Variants in ZSCAN5A observed in about 807,000 individuals in gnomAD.
ZSCAN5A encodes the protein zinc finger and SCAN domain-containing protein 5A.
ZSCAN5A carries 12 observed loss-of-function variants against 23.7 expected under a neutral mutation model. The ratio of observed to expected loss-of-function variants is 0.51; its 90% CI spans 0.32 to 0.82. ZSCAN5A has a LOEUF of 0.82. Ranked by LOEUF, ZSCAN5A falls within the 40% of genes least tolerant of loss-of-function variation. ZSCAN5A has a pLI of 0.03. For missense variants in ZSCAN5A, 597 were observed against 617.9 expected (o/e 0.97, Z 0.36); for synonymous variants, 257 against 239.9 (o/e 1.07, Z -0.66).
chr19:56,276,183 T>C (rs1388883254), intron 2 of ZSCAN5A, among the ~76,000 whole-genome samples: 1 of 152,228 alleles, frequency 6.6e-6, no homozygotes, highest in East Asian at 1.9e-4. Context: ...TCTTGCAACC[T>C]CTCTGGCAAT....
At chr19:56,288,199 T>G (rs1035720062) in intron 2 of ZSCAN5A, among the ~76,000 whole-genome samples, 43 of 152,040 alleles carry the variant, frequency 2.8e-4, no homozygotes, top group African/African-American at 9.9e-4. Context: ...CTCCAGATAC[T>G]CTCCAGCCAC....
At chr19:56,325,745 T>C (rs897099814) in intron 2 of ZSCAN5A, among the ~76,000 whole-genome samples, 11 of 145,790 alleles carry the variant, frequency 7.5e-5, no homozygotes, top group African/African-American at 1.6e-4. Context: ...GTTGTTGTTG[T>C]TGTTGCTGTT....
intron 2 of ZSCAN5A, among the ~76,000 whole-genome samples, chr19:56,355,719 T>C: frequency 6.7e-6 from 1 of 148,986 alleles, no homozygotes; most frequent in East Asian, 1.9e-4. Context: ...TGTGTGTGTT[T>C]AAACTGGCAG....
rs746369519 is a variant in ZSCAN5A, at chr19:56,222,342, CCA to C, written c.740-18_740-17del. 17 of 1,608,200 alleles carry C rather than the reference CCA, an allele frequency of 1.1e-5. No homozygotes were observed. In the East Asian group the frequency reaches 3.3e-4, roughly 32 times the overall value. ...ACCAGATCTGCTGGAAGAAGGGATTCCACACACACAGTTAATAAAGCGCATTT... is the reference window on the plus strand; with the variant it reads ...ACCAGATCTGCTGGAAGAAGGGATTCCACACACAGTTAATAAAGCGCATTT... On this transcript the variant is annotated splice_polypyrimidine_tract_variant and intron_variant, in intron 5 of 5. Transcript: ENST00000683990.
intron 2 of ZSCAN5A, among the ~76,000 whole-genome samples, chr19:56,241,747 T>C (rs1341343525): frequency 6.6e-6 from 1 of 152,326 alleles, no homozygotes; most frequent in Admixed American, 6.5e-5. Flanking sequence ...ATCCCAGCCC[T>C]GGTAACCACC....
chr19:56,245,194 A>C (rs2035774562), intron 2 of ZSCAN5A: 1 of 540,014 alleles, frequency 1.9e-6, no homozygotes, highest in Non-Finnish European at 3.4e-6. Flanking sequence ...TCTCATAGTG[A>C]GTCTGATTGT....
At chr19:56,301,922 G>C in intron 2 of ZSCAN5A, 5 of 1,231,934 alleles carry the variant, frequency 4.1e-6, no homozygotes, top group Non-Finnish European at 5.1e-6. Context: ...CTCTAAGGCA[G>C]GAAGGGAAGG....
At chr19:56,319,656 C>G (rs1394436254), upstream of ZSCAN5A, 1 of 559,430 alleles carries the variant, frequency 1.8e-6, no homozygotes, top group Non-Finnish European at 3.2e-6. Flanking sequence ...CAGATATGCT[C>G]AAAAGAAGAA....
At chr19:56,319,904 A>G in intron 2 of ZSCAN5A, 1 of 1,071,730 alleles carries the variant, frequency 9.3e-7, no homozygotes, top group Non-Finnish European at 1.5e-6. Context: ...CATCAGCTGC[A>G]AAAATTCATT....
At chr19:56,364,921 AG>A (rs1395135612) in intron 1 of ZSCAN5A, 1 of 152,294 alleles carries the variant, frequency 6.6e-6, no homozygotes, top group Non-Finnish European at 1.5e-5. Context: ...AAGGAGCTCA[AG>A]GGAAGTTTCC....
intron 2 of ZSCAN5A, among the ~76,000 whole-genome samples, chr19:56,262,173 A>G (rs970730136): frequency 6.6e-6 from 1 of 151,922 alleles, no homozygotes; most frequent in Non-Finnish European, 1.5e-5. Context: ...GCCTGCCACC[A>G]TGATCGGCTA....
At chr19:56,337,221 T>G (rs1333359008) in intron 2 of ZSCAN5A, among the ~76,000 whole-genome samples, 4 of 152,234 alleles carry the variant, frequency 2.6e-5, no homozygotes, top group African/African-American at 9.6e-5. Context: ...CGAGCTGTGG[T>G]GGGCTCCACC....
At chr19:56,259,644 G>A (rs186070408) in intron 2 of ZSCAN5A, among the ~76,000 whole-genome samples, 1 of 152,322 alleles carries the variant, frequency 6.6e-6, no homozygotes, top group Non-Finnish European at 1.5e-5. Context: ...TCATACTCAG[G>A]ATTTGTGTGC....
chr19:56,246,413 G>T, intron 2 of ZSCAN5A: 2 of 568,400 alleles, frequency 3.5e-6, no homozygotes, highest in Non-Finnish European at 6.4e-6. Flanking sequence ...AACGTAGACA[G>T]GGAAGAAAAC....
rs1377984583 is a variant in ZSCAN5A at position 56,352,287 on chromosome 19, G to T, written c.-358+10948C>A. ...TTTTAACAAAGCTTCTACTCAGAGA[G>T]ACGGATTAAACCAGACAATTAAACA... is the stretch of plus-strand genomic sequence containing the variant. On this transcript the variant is annotated intron_variant, in intron 2 of 6. Coordinates refer to the ZSCAN5A transcript ENST00000587340. This position sits in a 1 kb window ranked among gnomAD's most constrained non-coding sequence, Gnocchi z 4.2. 6.6e-6 allele frequency among the ~76,000 whole-genome samples: 1 copy of T among 152,154 alleles called. No individual in the cohort carries two copies. The highest frequency in any genetic ancestry group is 1.5e-5 in the Non-Finnish European group (1 of 68,022).
At chr19:56,275,261 T>C (rs983356211) in intron 2 of ZSCAN5A, among the ~76,000 whole-genome samples, 1 of 152,244 alleles carries the variant, frequency 6.6e-6, no homozygotes, top group Admixed American at 6.5e-5. Flanking sequence ...TTAGCATCCA[T>C]CTGTGGATCT....
At position 56,348,334 on chromosome 19, in the gene ZSCAN5A, C is replaced by T. The variant is rs758762617; in HGVS notation, c.-358+14901G>A. On this transcript the variant is annotated intron_variant, in intron 2 of 6. Coordinates refer to the ZSCAN5A transcript ENST00000587340. Reference sequence around the variant, plus strand: ...AGGCTAATCCAATCTTTTTCTCAACCTTAGTTGACACACGCTTGCAAGCCA... The same window carrying T: ...AGGCTAATCCAATCTTTTTCTCAACTTTAGTTGACACACGCTTGCAAGCCA... 3.7e-4 allele frequency among the ~76,000 whole-genome samples: 57 copies of T among 152,128 alleles called. 1 individual carries two copies. The highest frequency in any genetic ancestry group is 8.8e-5 in the Non-Finnish European group (6 of 68,034).
At chr19:56,318,688 C>T (rs2041342709), upstream of ZSCAN5A, among the ~76,000 whole-genome samples, 3 of 152,116 alleles carry the variant, frequency 2.0e-5, no homozygotes, top group Non-Finnish European at 2.9e-5. Context: ...ATGATAACAC[C>T]GTATATTTAA....
At position 56,221,776 on chromosome 19, in the gene ZSCAN5A, G is replaced by A. The variant is rs745578928; in HGVS notation, c.1290C>T (p.His430=). Reference sequence around the variant, plus strand: ...GCTTCTCCCCTGTGTGGCTTCTCTTGTGACACTTCAAGTAGGACTTCTGGG... The same window carrying A: ...GCTTCTCCCCTGTGTGGCTTCTCTTATGACACTTCAAGTAGGACTTCTGGG... ...QFTQKSYLKC[H]KRSHTGEKPF... is the part of the protein sequence containing the mutation. The change falls in exon 6 of 6, where the codon CAC becomes CAT. Residue 430 remains histidine (H), a synonymous_variant. Transcript: ENST00000683990. The A allele has an allele frequency of 5.6e-6, 9 of 1,614,044 alleles. No individual in the cohort carries two copies. The highest frequency in any genetic ancestry group is 1.7e-5 in the Admixed American group (1 of 60,006).
Sources: allele counts gnomAD v4.1 joint callset (sites outside exome capture counted in the v4.1 genomes callset), GRCh38; gene constraint gnomAD v4.1.1; non-coding constraint Gnocchi (gnomAD v3.1); transcripts MANE v1.5; gene names NCBI Gene and HGNC (gene_info 2026-07-23, HGNC 2026-07-21).